The following PHYHD1 variants were observed in gnomAD, a reference collection of about 807,000 sequenced individuals.
PHYHD1 encodes the protein phytanoyl-CoA dioxygenase domain containing 1.
Under a neutral mutation model 43.6 loss-of-function variants are expected in PHYHD1, and 42 were observed. The observed-to-expected ratio is 0.96, with a 90% CI of 0.75 to 1.25. The LOEUF (loss-of-function observed/expected upper bound fraction) is 1.25, where lower values mean the gene tolerates loss of function less well. Among genes scored for constraint, PHYHD1 ranks in the 50% most tolerant of loss-of-function variants. The pLI is 0.00. For missense variants in PHYHD1, 342 were observed against 370.8 expected, an observed-to-expected ratio of 0.92 and a Z score of 0.64; for synonymous variants, 139 against 143.6, an observed-to-expected ratio of 0.97 and a Z score of 0.23.
At chr9:128,929,153 A>T (rs1440973542) in intron 4 of PHYHD1, among the ~76,000 whole-genome samples, 1 of 152,044 alleles carries the variant, frequency 6.6e-6, no homozygotes, top group East Asian at 1.9e-4. Flanking sequence ...ACAAAGTGAG[A>T]CCTGTCTCTA....
chr9:128,922,500 A>AC, intron 3 of PHYHD1, 144 bp downstream of exon 3: 1 of 956,138 alleles, frequency 1.0e-6, no homozygotes, highest in South Asian at 1.7e-5. Flanking sequence ...CCCAACCGCA[A>AC]CCCCTCCTGA....
chr9:128,931,487 G>T (rs770646961), intron 4 of PHYHD1, among the ~76,000 whole-genome samples: 1 of 152,048 alleles, frequency 6.6e-6, no homozygotes, highest in Non-Finnish European at 1.5e-5. Context: ...GCCTCTGGCT[G>T]AAGCCTCCAA....
chr9:128,933,633 G>C, intron 4 of PHYHD1, 149 bp from the exon 5 acceptor site: 1 of 827,772 alleles, frequency 1.2e-6, no homozygotes, highest in Non-Finnish European at 2.1e-6. Flanking sequence ...CTGGCTCACT[G>C]TCTGTGCCTC....
intron 4 of PHYHD1, among the ~76,000 whole-genome samples, chr9:128,928,115 G>A (rs1224837068): frequency 6.6e-6 from 1 of 152,222 alleles, no homozygotes; most frequent in African/African-American, 2.4e-5. Flanking sequence ...GCCATCTGGT[G>A]GGCATTAGCA....
chr9:128,923,416 T>C lies in PHYHD1; in HGVS notation c.33+1060T>C, dbSNP rs559793482. On this transcript the variant is annotated intron_variant, in intron 3 of 12. Transcript: ENST00000372592. Reference sequence around the variant, plus strand: ...AAAGGAGGCTGTACTGCTATCCCCGTTTGGTAGCCCGAGGGCCAGAGAAAG... The same window carrying C: ...AAAGGAGGCTGTACTGCTATCCCCGCTTGGTAGCCCGAGGGCCAGAGAAAG... Among the ~76,000 whole-genome samples the C allele has an allele frequency of 6.6e-5, 10 of 152,260 alleles. No individual in the cohort carries two copies. The East Asian group carries it at 1.9e-3, about 29-fold the overall frequency.
intron 4 of PHYHD1, among the ~76,000 whole-genome samples, chr9:128,932,162 TATTA>T: frequency 8.1e-6 from 1 of 123,228 alleles, no homozygotes; most frequent in African/African-American, 3.4e-5. Context: ...TTATTATTAT[TATTA>T]TTGTTATTAT....
intron 3 of PHYHD1, among the ~76,000 whole-genome samples, 196 bp downstream of exon 3, chr9:128,922,552 A>G (rs1293074670): frequency 6.6e-6 from 1 of 151,730 alleles, no homozygotes; most frequent in Non-Finnish European, 1.5e-5. Flanking sequence ...CACAGGACCC[A>G]GGGTAGGGTG....
At chr9:128,938,035 G>GAGCCACCACGCCTGTCCTA in intron 9 of PHYHD1, 1 of 1,253,708 alleles carries the variant, frequency 8.0e-7, no homozygotes, top group Non-Finnish European at 1.0e-6. Flanking sequence ...GGACAGGCGT[G>GAGCCACCACGCCTGTCCTA]GTGGCTCATG....
At chr9:128,926,628 G>T (rs1420097039) in intron 3 of PHYHD1, among the ~76,000 whole-genome samples, 1 of 139,860 alleles carries the variant, frequency 7.2e-6, no homozygotes, top group Admixed American at 7.3e-5. Flanking sequence ...GTGAGATCTC[G>T]GCTCACTGCA....
At chr9:128,933,212 A>G (rs1276095866) in intron 4 of PHYHD1, among the ~76,000 whole-genome samples, 5 of 127,366 alleles carry the variant, frequency 3.9e-5, no homozygotes, top group African/African-American at 1.2e-4. Context: ...TGGAGTGCAT[A>G]GTGCAATCTC....
chr9:128,934,432 A>C (rs1300024702), intron 6 of PHYHD1, among the ~76,000 whole-genome samples: 1 of 150,002 alleles, frequency 6.7e-6, no homozygotes, highest in African/African-American at 2.4e-5. Flanking sequence ...AAGCATGGGG[A>C]AACTGGGGAA....
rs1466643366 is a variant in PHYHD1, at chr9:128,921,216, A to T, written c.-612A>T. The T allele has an allele frequency of 6.6e-6, 1 of 152,412 alleles. No individual in the cohort carries two copies. The highest frequency in any genetic ancestry group is 1.9e-4 in the East Asian group (1 of 5,180). 9.4% of individuals were successfully genotyped at this position (152,412 alleles called of 1,614,324 possible). A position where few individuals can be genotyped will look rare whatever the true frequency, so the allele number is the denominator to read the frequency against. On this transcript the variant is annotated 5_prime_UTR_variant, in exon 1 of 13. Transcript: ENST00000372592. ...AACCTCCGCCTCCTGGGTTCAAGCG[A>T]TTCTCCTGCCTCAGCCTCCCGAGTA... is the stretch of plus-strand genomic sequence containing the variant.
chr9:128,930,447 T>TAA (rs1223049668), intron 4 of PHYHD1, among the ~76,000 whole-genome samples: 1 of 133,212 alleles, frequency 7.5e-6, no homozygotes, highest in Non-Finnish European at 1.6e-5. Context: ...ACTGTCTTTT[T>TAA]AAAAAAAAAA....
chr9:128,936,531 G>A, intron 7 of PHYHD1, 28 bp downstream of exon 7: 1 of 1,612,924 alleles, frequency 6.2e-7, no homozygotes, highest in Non-Finnish European at 8.5e-7. Flanking sequence ...TGAGGGCCAG[G>A]AGGGTGGGCC....
intron 4 of PHYHD1, among the ~76,000 whole-genome samples, chr9:128,927,887 A>G (rs772909435): frequency 5.9e-5 from 9 of 152,094 alleles, no homozygotes; most frequent in Non-Finnish European, 1.2e-4. Flanking sequence ...GATGACCCCC[A>G]CCTGTGTAAC....
Position 128,941,999 on chromosome 9 carries a change from T to A in PHYHD1, c.*286T>A. 1.9e-6 allele frequency: 1 copy of A among 528,258 alleles called. No homozygotes were observed. Among genetic ancestry groups the A allele is most frequent in the Non-Finnish European group, 3.4e-6 (1 of 296,108 alleles). The allele number at this position is 528,258 out of a possible 1,614,324, so 32.7% of individuals were successfully genotyped here. ...TCCTCTCAGATGGAACTCTGGTTAT[T>A]ATGGTGTTAGTTATCGAATAAAAAC... On this transcript the variant is annotated 3_prime_UTR_variant, in exon 13 of 13. Coordinates refer to ENST00000372592, the MANE Select transcript of PHYHD1 (RefSeq NM_001100876.2).
At chr9:128,941,412 G>T in intron 11 of PHYHD1, 33 bp from the exon 12 acceptor site, 1 of 1,608,318 alleles carries the variant, frequency 6.2e-7, no homozygotes, top group South Asian at 1.1e-5. Context: ...ATGTGGGGCT[G>T]GTAGGTTCCT....
In PHYHD1 at chr9:128,939,418, A is replaced by C; in HGVS notation, c.458-951A>C. 2.4e-5 allele frequency among the ~76,000 whole-genome samples: 3 copies of C among 122,916 alleles called. 1 individual carries two copies. The highest frequency in any genetic ancestry group is 5.7e-5 in the Non-Finnish European group (3 of 53,086). 80.6% of individuals were successfully genotyped at this position (122,916 alleles called of 152,430 possible). A position where few individuals can be genotyped will look rare whatever the true frequency, so the allele number is the denominator to read the frequency against. On this transcript the variant is annotated intron_variant, in intron 9 of 12. Coordinates refer to ENST00000372592, the MANE Select transcript of PHYHD1 (RefSeq NM_001100876.2). Reference sequence around the variant, plus strand: ...ACATGGTGAAACCCCATCTCTACTAAAAATATGAAAATTAGCTGGGCGTGG... The same window carrying C: ...ACATGGTGAAACCCCATCTCTACTACAAATATGAAAATTAGCTGGGCGTGG...
In PHYHD1 at chr9:128,940,256, T is replaced by C. The variant is rs1189665824; in HGVS notation, c.458-113T>C. 6.1e-6 allele frequency: 9 copies of C among 1,478,310 alleles called. No individual in the cohort carries two copies. In the Admixed American group the frequency reaches 1.8e-4, roughly 29 times the overall value. The allele number at this position is 1,478,310 out of a possible 1,614,324, so 91.6% of individuals were successfully genotyped here. A position where few individuals can be genotyped will look rare whatever the true frequency, so the allele number is the denominator to read the frequency against. ...GAAGTGATGAGATTCTAACTGATCA[T>C]GGGAAGGCTGGCCCTGGAGAGCACC... On this transcript the variant is annotated intron_variant, in intron 9 of 12. Coordinates refer to ENST00000372592, the MANE Select transcript of PHYHD1 (RefSeq NM_001100876.2).
Sources: allele counts gnomAD v4.1 joint callset (sites outside exome capture counted in the v4.1 genomes callset), GRCh38; gene constraint gnomAD v4.1.1; transcripts MANE v1.5; gene names NCBI Gene and HGNC (gene_info 2026-07-23, HGNC 2026-07-21).